Variants in ITPRID1 observed in about 807,000 individuals in gnomAD.
ITPRID1 encodes the protein ITPR interacting domain containing 1.
Under a neutral mutation model 95.4 loss-of-function variants are expected in ITPRID1, and 96 were observed. The observed-to-expected ratio is 1.01, with a 90% CI of 0.85 to 1.19. ITPRID1 has a LOEUF of 1.19. Among genes scored for constraint, ITPRID1 ranks in the 50% most tolerant of loss-of-function variants. The pLI is 0.00. For synonymous variants in ITPRID1, 510 were observed against 453.6 expected (o/e 1.12, Z -1.58); for missense variants, 1,339 against 1,252.9 (o/e 1.07, Z -1.04).
At chr7:31,575,110 C>T (rs371742702) in intron 8 of ITPRID1, among the ~76,000 whole-genome samples, 4 of 152,298 alleles carry the variant, frequency 2.6e-5, no homozygotes, top group East Asian at 1.9e-4. Flanking sequence ...AAATAAGTCA[C>T]ATGGCCACAC....
chr7:31,573,276 A>T (rs961771910), intron 7 of ITPRID1, among the ~76,000 whole-genome samples: 2 of 152,184 alleles, frequency 1.3e-5, no homozygotes, highest in Non-Finnish European at 2.9e-5. Flanking sequence ...AATTGGCTCG[A>T]TTGAATATTT....
intron 9 of ITPRID1, among the ~76,000 whole-genome samples, chr7:31,582,217 C>T (rs1348613579): frequency 1.3e-5 from 2 of 152,124 alleles, no homozygotes; most frequent in Admixed American, 6.5e-5. Context: ...AACTAATGTA[C>T]TTCCTGAGAA....
intron 5 of ITPRID1, among the ~76,000 whole-genome samples, chr7:31,567,420 C>CAGTT (rs1376682039): frequency 6.6e-6 from 1 of 152,066 alleles, no homozygotes; most frequent in Non-Finnish European, 1.5e-5. Flanking sequence ...TAATTCCAAT[C>CAGTT]AGTTGGTAGT....
intron 12 of ITPRID1, among the ~76,000 whole-genome samples, chr7:31,644,945 G>A (rs1300552327): frequency 6.6e-6 from 1 of 152,192 alleles, no homozygotes; most frequent in East Asian, 1.9e-4. Context: ...CAAATATTTA[G>A]TGAGTGTCTA....
At chr7:31,617,177 C>A (rs1010451919) in intron 10 of ITPRID1, among the ~76,000 whole-genome samples, 1 of 152,050 alleles carries the variant, frequency 6.6e-6, no homozygotes, top group African/African-American at 2.4e-5. Flanking sequence ...GGAAGAAAAG[C>A]CTGGAGAAGG....
At chr7:31,621,575 C>T (rs1402702412) in intron 10 of ITPRID1, among the ~76,000 whole-genome samples, 1 of 147,506 alleles carries the variant, frequency 6.8e-6, no homozygotes, top group Admixed American at 6.8e-5. Context: ...TTGTCACCAC[C>T]AGGCCTGCCC....
Position 31,652,571 on chromosome 7 carries a change from A to T in ITPRID1, c.2877A>T (p.Gln959His). Residue 959 changes from glutamine to histidine, a missense_variant, in exon 15 of 15, where the codon CAA becomes CAT. Coordinates refer to ENST00000615280, the MANE Select transcript of ITPRID1 (RefSeq NM_001257967.3). ...CTGAACACTATTCAAATCTGCATCA[A>T]TATAACTGGATAGAAGAAAGCAATG... is the stretch of plus-strand genomic sequence containing the variant. ...EPPEHYSNLH[Q>H]YNWIEESNGQ... 1.2e-6 allele frequency: 2 copies of T among 1,611,124 alleles called. No individual in the cohort carries two copies. The highest frequency in any genetic ancestry group is 1.7e-6 in the Non-Finnish European group (2 of 1,178,588).
At chr7:31,564,524 A>G (rs1160958223) in intron 5 of ITPRID1, among the ~76,000 whole-genome samples, 1 of 152,168 alleles carries the variant, frequency 6.6e-6, no homozygotes, top group Non-Finnish European at 1.5e-5. Context: ...CCAAGCAACT[A>G]GAGAAGCAAG....
At chr7:31,620,172 G>A (rs200618933) in intron 10 of ITPRID1, among the ~76,000 whole-genome samples, 83,373 of 152,006 alleles carry the variant, frequency 0.55, 23,348 homozygotes, top group East Asian at 0.83. Context: ...CTCCACCTCT[G>A]GGGGCAGGGC....
chr7:31,628,287 A>C (rs1038755106), intron 10 of ITPRID1, among the ~76,000 whole-genome samples: 2 of 152,140 alleles, frequency 1.3e-5, no homozygotes, highest in African/African-American at 4.8e-5. Flanking sequence ...GGCAGGGCAG[A>C]GAATGATCAG....
At chr7:31,633,745 A>C (rs2128197674) in intron 10 of ITPRID1, among the ~76,000 whole-genome samples, 1 of 152,326 alleles carries the variant, frequency 6.6e-6, no homozygotes, top group Non-Finnish European at 1.5e-5. Flanking sequence ...GTACCATTGG[A>C]GGACAGAAGA....
At chr7:31,626,649 C>G (rs775520732) in intron 10 of ITPRID1, among the ~76,000 whole-genome samples, 1 of 152,138 alleles carries the variant, frequency 6.6e-6, no homozygotes, top group African/African-American at 2.4e-5. Context: ...TGACACCATG[C>G]TGTAAAGGAG....
chr7:31,597,453 T>C (rs1314226346), intron 10 of ITPRID1, among the ~76,000 whole-genome samples: 1 of 151,120 alleles, frequency 6.6e-6, no homozygotes, highest in African/African-American at 2.4e-5. Flanking sequence ...TCAGTCTCCA[T>C]GCATCAGCAA....
chr7:31,520,514 ATT>A (rs1491569107), intron 1 of ITPRID1, among the ~76,000 whole-genome samples: 3 of 101,830 alleles, frequency 2.9e-5, no homozygotes, highest in Admixed American at 1.1e-4. Flanking sequence ...ATACCACATC[ATT>A]GTGTGTGTGT....
chr7:31,538,148 C>T (rs1185829532), intron 1 of ITPRID1, among the ~76,000 whole-genome samples: 1 of 152,130 alleles, frequency 6.6e-6, no homozygotes, highest in African/African-American at 2.4e-5. Flanking sequence ...AATTATTGGA[C>T]ATAAGGCTAT....
At chr7:31,518,738 G>A (rs757926016) in intron 1 of ITPRID1, among the ~76,000 whole-genome samples, 1 of 152,150 alleles carries the variant, frequency 6.6e-6, no homozygotes, top group Admixed American at 6.5e-5. Context: ...AATTATCCTT[G>A]TATTTTATTC....
chr7:31,619,761 C>T (rs904573651), intron 10 of ITPRID1, among the ~76,000 whole-genome samples: 2 of 152,098 alleles, frequency 1.3e-5, no homozygotes, highest in African/African-American at 4.8e-5. Context: ...GGGCGCAGGT[C>T]AGTGGGTGCA....
chr7:31,640,384 A>G (rs1416336081), intron 10 of ITPRID1, among the ~76,000 whole-genome samples: 1 of 152,164 alleles, frequency 6.6e-6, no homozygotes, highest in Non-Finnish European at 1.5e-5. Context: ...GAGACCCTCT[A>G]GAGTTCTCTC....
intron 10 of ITPRID1, among the ~76,000 whole-genome samples, chr7:31,621,586 TAAAAGAGCTCCTG>T (rs1245514020): frequency 6.8e-6 from 1 of 147,652 alleles, no homozygotes; most frequent in Non-Finnish European, 1.5e-5. Flanking sequence ...AGGCCTGCCC[TAAAAGAGCTCCTG>T]AAGGAAGCAC....
Sources: gnomAD v4.1 joint callset for allele counts (sites outside exome capture counted in the v4.1 genomes callset) on GRCh38, gnomAD v4.1.1 for gene constraint, MANE v1.5 for transcripts, NCBI Gene and HGNC (gene_info 2026-07-23, HGNC 2026-07-21) for gene names.